Variants in HCK observed in about 807,000 individuals in gnomAD.
HCK encodes tyrosine-protein kinase HCK.
HCK carries 40 observed loss-of-function variants against 70.4 expected under a neutral mutation model. The observed-to-expected ratio is 0.57, with a 90% CI of 0.44 to 0.74. The LOEUF is 0.74. HCK is among the 30% of genes least tolerant of loss of function. The pLI, the probability that HCK is intolerant of heterozygous loss-of-function variation, is 0.00. For missense variants in HCK, 568 were observed against 697.2 expected (o/e 0.81, Z 2.09); for synonymous variants, 245 against 263.2 (o/e 0.93, Z 0.67).
chr20:32,057,895 G>A (rs2045296977), intron 1 of HCK, among the ~76,000 whole-genome samples: 1 of 152,136 alleles, frequency 6.6e-6, no homozygotes, highest in African/African-American at 2.4e-5. Context: ...TGATGCAGAA[G>A]CAGCCTGTGC....
At chr20:32,080,101 G>T (rs531278381) in intron 6 of HCK, among the ~76,000 whole-genome samples, 4 of 152,216 alleles carry the variant, frequency 2.6e-5, no homozygotes, top group Non-Finnish European at 4.4e-5. Context: ...TAGGTCAGTG[G>T]AACTAGTGCC....
intron 12 of HCK, among the ~76,000 whole-genome samples, chr20:32,100,031 C>T (rs1022507886): frequency 2.0e-5 from 3 of 151,948 alleles, no homozygotes; most frequent in Admixed American, 2.0e-4. Context: ...TCCCGAGTAT[C>T]TGGGACCATA....
chr20:32,076,155 T>C (rs1029667341), intron 5 of HCK, among the ~76,000 whole-genome samples: 3 of 152,030 alleles, frequency 2.0e-5, no homozygotes, highest in Non-Finnish European at 2.9e-5. Flanking sequence ...TAACCCCATC[T>C]CTACTAAAAA....
chr20:32,097,686 T>A (rs1461286563), intron 11 of HCK, among the ~76,000 whole-genome samples: 2 of 151,958 alleles, frequency 1.3e-5, no homozygotes. Flanking sequence ...TCAAGAAAAG[T>A]CTGTAGATCC....
At position 32,057,138 on chromosome 20, in the gene HCK, C is replaced by T. The variant is rs146774165; in HGVS notation, c.62+4652C>T. Among the ~76,000 whole-genome samples, 471 of 152,366 alleles carry T rather than the reference C, an allele frequency of 3.1e-3. 1 individual carries two copies. The highest frequency in any genetic ancestry group is 0.011 in the African/African-American group (451 of 41,594). On this transcript the variant is annotated intron_variant, in intron 1 of 12. Coordinates refer to ENST00000375852, the MANE Select transcript of HCK (RefSeq NM_002110.5). Reference sequence around the variant, plus strand: ...CACGACTCCAGTGCTCTTCAGACAACCTCAGTGGAGCTGGGGGCTGCCCTG... The same window carrying T: ...CACGACTCCAGTGCTCTTCAGACAATCTCAGTGGAGCTGGGGGCTGCCCTG...
At chr20:32,070,510 C>T (rs1022186687) in intron 1 of HCK, among the ~76,000 whole-genome samples, 8 of 152,206 alleles carry the variant, frequency 5.3e-5, no homozygotes, top group South Asian at 2.1e-4. Context: ...CTGGAACACT[C>T]TTCCCTCAGA....
intron 4 of HCK, among the ~76,000 whole-genome samples, chr20:32,074,364 A>G (rs1054188905): frequency 1.3e-5 from 2 of 152,174 alleles, no homozygotes; most frequent in African/African-American, 4.8e-5. Context: ...AAGTCCAGGG[A>G]AAAGGAGTGG....
At chr20:32,099,222 T>C (rs1284925277) in intron 12 of HCK, 87 bp downstream of exon 12, 2 of 1,391,842 alleles carry the variant, frequency 1.4e-6, no homozygotes, top group Non-Finnish European at 1.0e-6. Flanking sequence ...TCAAACTGAG[T>C]TCTTGATCCT....
At chr20:32,077,792 G>T (rs905046719) in intron 5 of HCK, among the ~76,000 whole-genome samples, 2 of 152,142 alleles carry the variant, frequency 1.3e-5, no homozygotes, top group African/African-American at 4.8e-5. Context: ...CCAAAGTGCT[G>T]GGATTACAGG....
At chr20:32,058,149 G>C (rs2045301730) in intron 1 of HCK, among the ~76,000 whole-genome samples, 1 of 152,090 alleles carries the variant, frequency 6.6e-6, no homozygotes, top group African/African-American at 2.4e-5. Flanking sequence ...ACGACCCCGA[G>C]TCTGAGTGCC....
intron 7 of HCK, 86 bp downstream of exon 7, chr20:32,084,129 C>T: frequency 7.1e-7 from 1 of 1,417,518 alleles, no homozygotes. Flanking sequence ...CTGAGACCTG[C>T]TGTGTCCTTC....
chr20:32,075,699 C>T (rs2045612544), intron 5 of HCK, among the ~76,000 whole-genome samples: 1 of 150,876 alleles, frequency 6.6e-6, no homozygotes, highest in Non-Finnish European at 1.5e-5. Flanking sequence ...TCCATCCATC[C>T]ATCCATTCAT....
At chr20:32,099,472 C>G (rs997000564) in intron 12 of HCK, among the ~76,000 whole-genome samples, 1 of 151,762 alleles carries the variant, frequency 6.6e-6, no homozygotes, top group South Asian at 2.1e-4. Flanking sequence ...ATTCTCCTGC[C>G]TCAGCCTCCT....
chr20:32,100,928 A>G (rs1484896905), intron 12 of HCK, among the ~76,000 whole-genome samples: 1 of 152,158 alleles, frequency 6.6e-6, no homozygotes, highest in Non-Finnish European at 1.5e-5. Context: ...TAGTTCAGCA[A>G]CTCAGCAGCT....
intron 10 of HCK, among the ~76,000 whole-genome samples, chr20:32,092,306 A>T (rs2045875955): frequency 6.6e-6 from 1 of 152,166 alleles, no homozygotes; most frequent in Admixed American, 6.5e-5. Context: ...GATCTGGAAC[A>T]AGTGGTTCCA....
intron 1 of HCK, among the ~76,000 whole-genome samples, chr20:32,062,602 G>A (rs2045396661): frequency 6.6e-6 from 1 of 152,118 alleles, no homozygotes; most frequent in South Asian, 2.1e-4. Context: ...GCAGCCTCTT[G>A]GGGTTGTTAC....
chr20:32,088,391 T>C (rs1033902667), intron 9 of HCK, among the ~76,000 whole-genome samples, 177 bp from the exon 10 acceptor site: 4 of 152,228 alleles, frequency 2.6e-5, no homozygotes, highest in Non-Finnish European at 5.9e-5. Context: ...GTCACTTCAC[T>C]AAAACTCAAT....
At chr20:32,082,254 C>T (rs1295874032) in intron 6 of HCK, among the ~76,000 whole-genome samples, 2 of 152,096 alleles carry the variant, frequency 1.3e-5, no homozygotes, top group East Asian at 3.8e-4. Flanking sequence ...AGTTATAATT[C>T]ATTATAATGA....
At chr20:32,079,909 T>A in intron 6 of HCK, 32 bp downstream of exon 6, 1 of 1,467,092 alleles carries the variant, frequency 6.8e-7, no homozygotes, top group Non-Finnish European at 9.5e-7. Flanking sequence ...TTGTCCTCCC[T>A]GCCGAGGTGC....
Sources: allele counts gnomAD v4.1 joint callset (sites outside exome capture counted in the v4.1 genomes callset), GRCh38; gene constraint gnomAD v4.1.1; transcripts MANE v1.5; gene names NCBI Gene and HGNC (gene_info 2026-07-23, HGNC 2026-07-21).